MYO19: variants seen among roughly 807,000 people sequenced by gnomAD.
The protein encoded by MYO19 is unconventional myosin-XIX.
In MYO19, 132 loss-of-function variants were observed where a neutral mutation model predicts 129.2. The observed-to-expected ratio is 1.02, with a 90% CI of 0.89 to 1.18. The LOEUF (loss-of-function observed/expected upper bound fraction) is 1.18, where lower values mean the gene tolerates loss of function less well. MYO19 is among the 50% of genes most tolerant of loss of function. MYO19 has a pLI of 0.00. For synonymous variants in MYO19, 531 were observed against 477.2 expected (o/e 1.11, Z -1.47); for missense variants, 1,210 against 1,216.7 (o/e 0.99, Z 0.08).
chr17:36,536,091 A>C (rs903159449), upstream of MYO19, among the ~76,000 whole-genome samples: 4 of 152,208 alleles, frequency 2.6e-5, no homozygotes, highest in African/African-American at 9.6e-5. Context: ...GCCGTTTTTC[A>C]GACAATGATG....
intron 6 of MYO19, among the ~76,000 whole-genome samples, chr17:36,522,640 C>T (rs541750870): frequency 9.2e-5 from 14 of 152,170 alleles, no homozygotes; most frequent in African/African-American, 1.7e-4. Context: ...GAGGCCAACG[C>T]GGGAAGATCA....
chr17:36,525,030 G>A (rs1204161302), intron 6 of MYO19, among the ~76,000 whole-genome samples, 198 bp downstream of exon 6: 1 of 152,164 alleles, frequency 6.6e-6, no homozygotes, highest in Admixed American at 6.5e-5. Context: ...GCTTGCAGTA[G>A]AGCCTGGACT....
rs771149117 is a variant in MYO19, at chr17:36,498,482, CAG to C, written c.2539_2540del (p.Leu847GlufsTer52). ...EKHFSQAPCS[L>X]STSPLQTRLL... ...GCCTGGTCTGCAGCGGCGAGGTGCT[CAG>C]GGAACAGGGAGCTTGAGAGAAGTGT... On this transcript the variant is annotated frameshift_variant, in exon 25 of 26. Coordinates refer to ENST00000614623, the MANE Select transcript of MYO19 (RefSeq NM_001163735.2). LOFTEE classifies it high-confidence loss of function. 2.0e-5 allele frequency: 32 copies of C among 1,613,946 alleles called. No individual in the cohort carries two copies. Among genetic ancestry groups the C allele is most frequent in the Non-Finnish European group, 2.6e-5 (31 of 1,179,916 alleles).
At position 36,496,237 on chromosome 17, in the gene MYO19, A is replaced by AAAGGCACC. The variant is rs2070953096; in HGVS notation, c.*6_*13dup. The AAAGGCACC allele has an allele frequency of 6.2e-7, 1 of 1,613,142 alleles. No homozygotes were observed. Among genetic ancestry groups the AAAGGCACC allele is most frequent in the Admixed American group, 1.7e-5 (1 of 59,982 alleles). The stretch of plus-strand genomic sequence containing the variant: ...GGGCAGGAAAAGGCCTTGTGGAAAC[A>AAAGGCACC]AAGGCACCAAGGATCACCCCAGCCC... On this transcript the variant is annotated 3_prime_UTR_variant, in exon 26 of 26. Transcript: ENST00000614623.
Position 36,513,213 on chromosome 17 carries a change from C to T in MYO19, c.894+216G>A, listed in dbSNP as rs2072487905. On this transcript the variant is annotated intron_variant, in intron 11 of 25. Transcript: ENST00000614623. Reference sequence around the variant, plus strand: ...ACTTACTGCATTCTGTACTCTAGCACTGTGTATGCATCACTCTTCCTTATG... The same window carrying T: ...ACTTACTGCATTCTGTACTCTAGCATTGTGTATGCATCACTCTTCCTTATG... 2.8e-6 allele frequency: 4 copies of T among 1,441,296 alleles called. No individual in the cohort carries two copies. The South Asian group carries it at 4.5e-5, about 16-fold the overall frequency. The allele number at this position is 1,441,296 out of a possible 1,614,324, so 89.3% of individuals were successfully genotyped here.
upstream of MYO19, chr17:36,538,092 T>C (rs775303110): frequency 6.2e-7 from 1 of 1,614,216 alleles, no homozygotes; most frequent in East Asian, 2.2e-5. Flanking sequence ...TAAGAACCGA[T>C]CACATATCAA....
chr17:36,528,227 G>A (rs1003178098), intron 3 of MYO19, 25 bp from the exon 4 acceptor site: 2 of 1,551,294 alleles, frequency 1.3e-6, no homozygotes, highest in African/African-American at 2.7e-5. Flanking sequence ...GTGAAGGTGA[G>A]GCCAGGCACA....
Position 36,507,467 on chromosome 17 carries a change from G to A in MYO19, c.1399C>T (p.Gln467Ter), listed in dbSNP as rs534868426. The A allele has an allele frequency of 3.1e-6, 5 of 1,613,712 alleles. No individual in the cohort carries two copies. The highest frequency in any genetic ancestry group is 3.4e-6 in the Non-Finnish European group (4 of 1,179,872). The change falls in exon 16 of 26, where the codon CAG becomes TAG. Residue 467 changes from glutamine to a stop codon, truncating the protein, a stop_gained. Coordinates refer to ENST00000614623, the MANE Select transcript of MYO19 (RefSeq NM_001163735.2). LOFTEE classifies it high-confidence loss of function. ...AGATCCAAACAGGGCTGGTTGTCCT[G>A]GTAGTTGATGAATGACCACTCCAGG... ...EGLEWSFINY[Q>*]DNQPCLDLIE... is the part of the protein sequence containing the mutation.
At chr17:36,508,759 C>A in intron 14 of MYO19, 1 of 403,632 alleles carries the variant, frequency 2.5e-6, no homozygotes, top group South Asian at 3.7e-5. Context: ...CAGCTATTTT[C>A]CCCAACCCCC....
At chr17:36,524,881 G>A (rs2073365774) in intron 6 of MYO19, among the ~76,000 whole-genome samples, 1 of 152,198 alleles carries the variant, frequency 6.6e-6, no homozygotes, top group South Asian at 2.1e-4. Context: ...CTTTTCTGAT[G>A]TGTTCTTAAC....
At chr17:36,515,075 C>A (rs751744769) in intron 8 of MYO19, 38 bp downstream of exon 8, 6 of 1,573,544 alleles carry the variant, frequency 3.8e-6, no homozygotes, top group Admixed American at 3.7e-5. Context: ...CCTCCCCAGT[C>A]CCATCCTCCC....
chr17:36,536,633 G>C (rs1352170392), upstream of MYO19, among the ~76,000 whole-genome samples: 1 of 147,702 alleles, frequency 6.8e-6, no homozygotes, highest in African/African-American at 2.5e-5. Context: ...TCCTGCCTCA[G>C]CCTCTAAAGT....
At chr17:36,510,145 G>GCCC (rs2072218182) in intron 13 of MYO19, among the ~76,000 whole-genome samples, 1 of 152,204 alleles carries the variant, frequency 6.6e-6, no homozygotes, top group South Asian at 2.1e-4. Flanking sequence ...AGGATTCTGG[G>GCCC]CCCCTGAAGC....
chr17:36,509,628 C>G (rs1008396046), intron 13 of MYO19: 3 of 180,800 alleles, frequency 1.7e-5, no homozygotes, highest in African/African-American at 7.0e-5. Flanking sequence ...GCATCCTCCA[C>G]TCTAGAACCG....
intron 17 of MYO19, 168 bp from the exon 18 acceptor site, chr17:36,506,776 G>T: frequency 9.3e-7 from 1 of 1,074,224 alleles, no homozygotes; most frequent in Non-Finnish European, 1.3e-6. Flanking sequence ...TCTAACATGG[G>T]TTATCTCCAG....
At chr17:36,514,359 T>G in intron 9 of MYO19, 87 bp downstream of exon 9, 1 of 848,040 alleles carries the variant, frequency 1.2e-6, no homozygotes, top group East Asian at 2.4e-5. Context: ...GAACCAGGTA[T>G]GGAGCATTCT....
chr17:36,507,224 A>C, intron 16 of MYO19, 85 bp from the exon 17 acceptor site: 1 of 1,535,210 alleles, frequency 6.5e-7, no homozygotes, highest in Admixed American at 1.8e-5. Context: ...GGACCCCATG[A>C]CAGCAGACAT....
In MYO19 at chr17:36,526,937, T is replaced by C. The variant is rs187277290; in HGVS notation, c.300+614A>G. 4.1e-3 allele frequency among the ~76,000 whole-genome samples: 628 copies of C among 152,196 alleles called. 4 individuals carry two copies. The highest frequency in any genetic ancestry group is 7.0e-3 in the Non-Finnish European group (478 of 68,006). On this transcript the variant is annotated intron_variant, in intron 5 of 25. Coordinates refer to ENST00000614623, the MANE Select transcript of MYO19 (RefSeq NM_001163735.2). ...GCTCACACCTGTAATTCCAGCGCTT[T>C]GGGAGGCCAAGGTGGGTAGATCACC...
Position 36,498,614 on chromosome 17 carries a change from A to T in MYO19, c.2464-55T>A. The T allele has an allele frequency of 2.7e-6, 4 of 1,504,616 alleles. No homozygotes were observed. The South Asian group carries it at 5.1e-5, about 19-fold the overall frequency. The allele number at this position is 1,504,616 out of a possible 1,614,324, so 93.2% of individuals were successfully genotyped here. Reference sequence around the variant, plus strand: ...TAGATTTATCTAGCCCTCTTAGCAGAAAATGGAAATCAAAACTATCTTTAA... The same window carrying T: ...TAGATTTATCTAGCCCTCTTAGCAGTAAATGGAAATCAAAACTATCTTTAA... On this transcript the variant is annotated intron_variant, in intron 24 of 25. Transcript: ENST00000614623.
Sources: allele counts gnomAD v4.1 joint callset (sites outside exome capture counted in the v4.1 genomes callset), GRCh38; gene constraint gnomAD v4.1.1; transcripts MANE v1.5; gene names NCBI Gene and HGNC (gene_info 2026-07-23, HGNC 2026-07-21).